The following DAPK2 variants were observed in gnomAD, a reference collection of about 807,000 sequenced individuals.
The protein encoded by DAPK2 is death associated protein kinase 2.
In DAPK2, 35 loss-of-function variants were observed where a neutral mutation model predicts 44.1. The ratio of observed to expected loss-of-function variants is 0.79; its 90% confidence interval spans 0.61 to 1.05. DAPK2 has a LOEUF of 1.05. Ranked by LOEUF, DAPK2 falls within the 50% of genes least tolerant of loss-of-function variation. DAPK2 has a pLI of 0.00. For synonymous variants in DAPK2, 174 were observed against 182.6 expected, an observed-to-expected ratio of 0.95 and a Z score of 0.38; for missense variants, 453 against 483.2, an observed-to-expected ratio of 0.94 and a Z score of 0.59.
chr15:64,006,036 CAAA>C (rs35338084), intron 1 of DAPK2, among the ~76,000 whole-genome samples: 4 of 92,860 alleles, frequency 4.3e-5, no homozygotes, highest in Non-Finnish European at 6.7e-5. Context: ...GATCCTGACT[CAAA>C]AAAAAAAAAA....
chr15:64,030,005 T>A (rs1399506437), intron 1 of DAPK2: 1 of 152,476 alleles, frequency 6.6e-6, no homozygotes, highest in Non-Finnish European at 1.5e-5. Context: ...AAGTCTGCTG[T>A]ATGGCTGCAC....
intron 1 of DAPK2, among the ~76,000 whole-genome samples, chr15:63,988,670 AT>A (rs1176737168): frequency 1.3e-5 from 2 of 151,338 alleles, no homozygotes; most frequent in Non-Finnish European, 3.0e-5. Flanking sequence ...TGGATGGCTA[AT>A]TTTTTTCTAT....
chr15:63,956,344 T>C (rs2077722488), intron 3 of DAPK2, among the ~76,000 whole-genome samples: 1 of 151,950 alleles, frequency 6.6e-6, no homozygotes, highest in Admixed American at 6.5e-5. Flanking sequence ...TTGGATTTGG[T>C]TTGCAAAAGC....
intron 3 of DAPK2, among the ~76,000 whole-genome samples, chr15:63,951,745 T>C (rs1290740016): frequency 6.6e-6 from 1 of 152,186 alleles, no homozygotes; most frequent in Non-Finnish European, 1.5e-5. Context: ...TATCAGTAAA[T>C]TGAAATCCAC....
intron 4 of DAPK2, among the ~76,000 whole-genome samples, chr15:63,935,203 G>A (rs2077108328): frequency 1.3e-5 from 2 of 149,368 alleles, no homozygotes; most frequent in African/African-American, 4.9e-5. Flanking sequence ...TGATCCTCCC[G>A]CCTTAGCCTC....
intron 3 of DAPK2, among the ~76,000 whole-genome samples, chr15:63,949,672 C>A (rs2077537846): frequency 6.6e-6 from 1 of 152,182 alleles, no homozygotes; most frequent in African/African-American, 2.4e-5. Flanking sequence ...TCAAAGCAAG[C>A]CTGCAAGGAA....
chr15:63,932,204 G>A lies in DAPK2; in HGVS notation c.584-1749C>T, dbSNP rs544101401. Among the ~76,000 whole-genome samples, 361 of 143,984 alleles carry A rather than the reference G, an allele frequency of 2.5e-3. 4 individuals are homozygous for A. The highest frequency in any genetic ancestry group is 5.6e-3 in the Admixed American group (80 of 14,226). 94.5% of individuals were successfully genotyped at this position (143,984 alleles called of 152,430 possible). ...AAAAAGGCTGGGCACAGTGGCTTAC[G>A]CCTGTAATCCCAGCACTTTGGGAGG... On this transcript the variant is annotated intron_variant, in intron 4 of 10. Transcript: ENST00000261891.
chr15:63,968,797 A>G (rs1193170814), intron 3 of DAPK2, among the ~76,000 whole-genome samples: 1 of 152,212 alleles, frequency 6.6e-6, no homozygotes, highest in Non-Finnish European at 1.5e-5. Flanking sequence ...GAGCTGCCAT[A>G]AAGGCAAGCC....
chr15:63,995,282 T>C lies in DAPK2; in HGVS notation c.93-11528A>G, dbSNP rs2078923790. On this transcript the variant is annotated intron_variant, in intron 1 of 10. Coordinates refer to ENST00000261891, the Ensembl canonical transcript of DAPK2. ...TTGCAGCCTCAGCCTCCCAAGTGGC[T>C]AGGACTATAGGCGCCCACCACCACA... 2.0e-5 allele frequency among the ~76,000 whole-genome samples: 3 copies of C among 152,174 alleles called. No individual in the cohort carries two copies. The South Asian group carries it at 6.2e-4, about 32-fold the overall frequency.
chr15:64,024,893 G>T (rs2079794426), intron 1 of DAPK2, among the ~76,000 whole-genome samples: 1 of 152,168 alleles, frequency 6.6e-6, no homozygotes, highest in Non-Finnish European at 1.5e-5. Context: ...GCCACCAGGG[G>T]CCAGTGTTTC....
chr15:63,989,715 A>T (rs983749583), intron 1 of DAPK2, among the ~76,000 whole-genome samples: 1 of 152,124 alleles, frequency 6.6e-6, no homozygotes, highest in African/African-American at 2.4e-5. Context: ...ACGCACATAC[A>T]TAGTCTCGCT....
intron 3 of DAPK2, among the ~76,000 whole-genome samples, chr15:63,965,120 G>A (rs1344272993): frequency 1.3e-5 from 2 of 152,224 alleles, no homozygotes; most frequent in Admixed American, 6.5e-5. Context: ...GAAAGGACTT[G>A]AGTGTTGTAA....
chr15:63,970,727 C>T (rs2140735613), intron 3 of DAPK2, among the ~76,000 whole-genome samples: 1 of 152,314 alleles, frequency 6.6e-6, no homozygotes, highest in East Asian at 1.9e-4. Context: ...GAGGACTTTA[C>T]ACATTAAGTA....
intron 3 of DAPK2, among the ~76,000 whole-genome samples, chr15:63,951,966 G>A (rs1042708207): frequency 4.6e-5 from 7 of 152,220 alleles, no homozygotes; most frequent in Admixed American, 1.3e-4. Context: ...AGGGCCAGGC[G>A]TGCTGGCTCA....
intron 6 of DAPK2, chr15:63,926,348 A>C (rs2079266379): frequency 2.5e-6 from 1 of 407,784 alleles, no homozygotes; most frequent in Middle Eastern, 6.8e-4. Context: ...AGGGGAGAGA[A>C]ACACAGAGAC....
rs527329204 is a variant in DAPK2 at position 63,916,158 on chromosome 15, G to A, written c.859-3961C>T. On this transcript the variant is annotated intron_variant, in intron 8 of 10. Transcript: ENST00000261891. The surrounding 1 kb of genome is among the most constrained non-coding windows in gnomAD (Gnocchi z 4.7). ...AGACAGAAAACTGTGGGGTAGTCAA[G>A]TTTTGTTTATGCAGCTGCAAATGCC... 4.6e-5 allele frequency: 7 copies of A among 151,674 alleles called. No homozygotes were observed. Among genetic ancestry groups the A allele is most frequent in the Admixed American group, 1.3e-4 (2 of 15,260 alleles). The allele number at this position is 151,674 out of a possible 1,614,324, so 9.4% of individuals were successfully genotyped here.
intron 2 of DAPK2, among the ~76,000 whole-genome samples, chr15:63,974,140 A>G (rs1057393028): frequency 6.6e-6 from 1 of 152,226 alleles, no homozygotes; most frequent in Non-Finnish European, 1.5e-5. Context: ...AGCAAAAAAA[A>G]TCTCCCCTGA....
At chr15:63,964,488 A>G (rs1338982586) in intron 3 of DAPK2, among the ~76,000 whole-genome samples, 2 of 152,006 alleles carry the variant, frequency 1.3e-5, no homozygotes, top group African/African-American at 4.8e-5. Flanking sequence ...TTGAATATTG[A>G]TATCTTTCTC....
chr15:63,947,910 C>A (rs2077490296), intron 3 of DAPK2, among the ~76,000 whole-genome samples: 1 of 152,152 alleles, frequency 6.6e-6, no homozygotes, highest in Non-Finnish European at 1.5e-5. Context: ...CACCAACCAC[C>A]ACCAAGAGCT....
Sources: allele counts gnomAD v4.1 joint callset (sites outside exome capture counted in the v4.1 genomes callset), GRCh38; gene constraint gnomAD v4.1.1; non-coding constraint Gnocchi (gnomAD v3.1); transcripts MANE v1.5; gene names NCBI Gene and HGNC (gene_info 2026-07-23, HGNC 2026-07-21).